The following RAPGEF4 variants were observed in gnomAD, a reference collection of about 807,000 sequenced individuals.
RAPGEF4 encodes the protein Rap guanine nucleotide exchange factor 4, also known as RAP guanine-nucleotide-exchange factor (GEF) 4.
RAPGEF4 carries 66 observed loss-of-function variants against 147.9 expected under a neutral mutation model. The observed-to-expected ratio is 0.45, with a 90% CI of 0.37 to 0.55. The LOEUF is 0.55. RAPGEF4 is among the 20% of genes least tolerant of loss of function. RAPGEF4 has a pLI of 0.00. For synonymous variants in RAPGEF4, 419 were observed against 442.7 expected, an observed-to-expected ratio of 0.95 and a Z score of 0.67; for missense variants, 1,071 against 1,257.3, an observed-to-expected ratio of 0.85 and a Z score of 2.24.
At chr2:172,845,049 AT>A (rs1374363431) in intron 4 of RAPGEF4, among the ~76,000 whole-genome samples, 1 of 152,170 alleles carries the variant, frequency 6.6e-6, no homozygotes, top group African/African-American at 2.4e-5. Context: ...CACATTACAG[AT>A]TTTCTGATGG....
Position 173,048,645 on chromosome 2 carries a change from C to T in RAPGEF4, c.2899C>T (p.Gln967Ter). The change falls in exon 30 of 31, where the codon CAA becomes TAA. Residue 967 changes from glutamine to a stop codon, truncating the protein, a stop_gained. Transcript: ENST00000397081. LOFTEE classifies it high-confidence loss of function. ...CAGAACAGTGAGATACTACAGGAGCCAACCCTTCAGTAAGTTAAGTGCTGC... is the reference window on the plus strand; with the variant it reads ...CAGAACAGTGAGATACTACAGGAGCTAACCCTTCAGTAAGTTAAGTGCTGC... ...TARTVRYYRS[Q>*]PFNPDAAQAN... 6.2e-7 allele frequency: 1 copy of T among 1,614,060 alleles called. No homozygotes were observed. Among genetic ancestry groups the T allele is most frequent in the Non-Finnish European group, 8.5e-7 (1 of 1,180,004 alleles).
intron 21 of RAPGEF4, 86 bp downstream of exon 21, chr2:173,017,590 G>A (rs1559188223): frequency 1.5e-6 from 2 of 1,329,740 alleles, no homozygotes; most frequent in East Asian, 2.4e-5. Context: ...CCACAGAATA[G>A]CTTCTTTTGA....
At chr2:172,902,486 A>G (rs1011043312) in intron 4 of RAPGEF4, among the ~76,000 whole-genome samples, 5 of 151,916 alleles carry the variant, frequency 3.3e-5, no homozygotes, top group African/African-American at 1.2e-4. Flanking sequence ...TATTTTTTGT[A>G]GAGACAGGCT....
At position 173,019,030 on chromosome 2, in the gene RAPGEF4, G is replaced by C. The variant is rs147359241; in HGVS notation, c.2155+228G>C. Among the ~76,000 whole-genome samples, 563 of 152,286 alleles carry C rather than the reference G, an allele frequency of 3.7e-3. 7 individuals are homozygous for C. Among genetic ancestry groups the C allele is most frequent in the Admixed American group, 0.028 (423 of 15,304 alleles). ...AAATCAGAAAGGTGACTGGAACTGA[G>C]GACTGTCGTGTAGATGTTGGCCTGG... On this transcript the variant is annotated intron_variant, in intron 22 of 30. Transcript: ENST00000397081.
chr2:172,918,895 G>A (rs1684399704), intron 5 of RAPGEF4, among the ~76,000 whole-genome samples: 1 of 152,084 alleles, frequency 6.6e-6, no homozygotes, highest in African/African-American at 2.4e-5. Flanking sequence ...CTCCCTCGCT[G>A]ACCAGTCACT....
intron 4 of RAPGEF4, among the ~76,000 whole-genome samples, chr2:172,893,601 T>G (rs780107886): frequency 3.3e-5 from 5 of 152,056 alleles, no homozygotes; most frequent in Non-Finnish European, 5.9e-5. Context: ...ATTCAATTTT[T>G]TGTTTTAGTT....
chr2:172,861,173 G>A (rs778414454), intron 4 of RAPGEF4, among the ~76,000 whole-genome samples: 5 of 151,880 alleles, frequency 3.3e-5, no homozygotes, highest in Admixed American at 6.6e-5. Context: ...TTCTCATGCC[G>A]GCTCACCGAG....
At chr2:172,766,792 G>GTAA (rs1696889958) in intron 1 of RAPGEF4, among the ~76,000 whole-genome samples, 1 of 152,134 alleles carries the variant, frequency 6.6e-6, no homozygotes, top group Non-Finnish European at 1.5e-5. Context: ...ACTCTTTTCT[G>GTAA]TAATTGTTTT....
intron 1 of RAPGEF4, among the ~76,000 whole-genome samples, chr2:172,761,059 A>G (rs61604340): frequency 0.026 from 4,008 of 151,736 alleles, 221 homozygotes; most frequent in East Asian, 0.24. Flanking sequence ...GGCTCTTCTC[A>G]TCAGAATCCA....
chr2:172,803,912 C>T (rs1033282909), intron 3 of RAPGEF4, among the ~76,000 whole-genome samples: 2 of 152,122 alleles, frequency 1.3e-5, no homozygotes, highest in Non-Finnish European at 2.9e-5. Context: ...ATAACAAGAG[C>T]CACCTTTGCT....
chr2:172,901,915 G>A (rs910899712), intron 4 of RAPGEF4, among the ~76,000 whole-genome samples: 52 of 152,120 alleles, frequency 3.4e-4, no homozygotes, highest in Non-Finnish European at 1.0e-4. Flanking sequence ...ACTCAGATGC[G>A]GGGCATAATG....
intron 16 of RAPGEF4, among the ~76,000 whole-genome samples, chr2:172,998,620 C>T (rs1233464683): frequency 6.6e-6 from 1 of 152,158 alleles, no homozygotes; most frequent in Non-Finnish European, 1.5e-5. Flanking sequence ...GCAAGAAGAA[C>T]ATGATAAGAA....
chr2:173,049,146 A>G (rs1458672779), intron 30 of RAPGEF4, among the ~76,000 whole-genome samples: 1 of 152,220 alleles, frequency 6.6e-6, no homozygotes, highest in Non-Finnish European at 1.5e-5. Context: ...ACAGGATTTC[A>G]TATTATATTT....
At chr2:172,738,776 C>T (rs1683138701) in intron 1 of RAPGEF4, among the ~76,000 whole-genome samples, 1 of 151,954 alleles carries the variant, frequency 6.6e-6, no homozygotes, top group African/African-American at 2.4e-5. Flanking sequence ...AAACACAGTT[C>T]AAATATATGC....
At chr2:172,996,409 T>A in intron 15 of RAPGEF4, 57 bp from the exon 16 acceptor site, 1 of 1,065,120 alleles carries the variant, frequency 9.4e-7, no homozygotes, top group South Asian at 1.7e-5. Context: ...AAGTAAAAGT[T>A]TTTTTAATGA....
intron 3 of RAPGEF4, among the ~76,000 whole-genome samples, chr2:172,808,085 G>A (rs1016959803): frequency 2.0e-5 from 3 of 152,182 alleles, no homozygotes; most frequent in African/African-American, 7.2e-5. Context: ...GATGCTTATA[G>A]ACATTATTTA....
intron 16 of RAPGEF4, among the ~76,000 whole-genome samples, chr2:173,000,807 C>T (rs1325406350): frequency 6.8e-6 from 1 of 148,004 alleles, no homozygotes; most frequent in African/African-American, 2.5e-5. Flanking sequence ...GCTCTTACCA[C>T]GTCCTGATTC....
intron 4 of RAPGEF4, among the ~76,000 whole-genome samples, chr2:172,860,674 T>C (rs1377042191): frequency 6.6e-6 from 1 of 151,908 alleles, no homozygotes; most frequent in Non-Finnish European, 1.5e-5. Flanking sequence ...AAAAAATGTA[T>C]TTGTCACCCA....
intron 4 of RAPGEF4, among the ~76,000 whole-genome samples, chr2:172,832,091 G>A (rs184409708): frequency 1.3e-5 from 2 of 152,332 alleles, no homozygotes; most frequent in East Asian, 3.9e-4. Flanking sequence ...AGAAGGAAAG[G>A]AGAGCAGGAA....
Sources: allele counts gnomAD v4.1 joint callset (sites outside exome capture counted in the v4.1 genomes callset), GRCh38; gene constraint gnomAD v4.1.1; transcripts MANE v1.5; gene names NCBI Gene and HGNC (gene_info 2026-07-23, HGNC 2026-07-21).